The following PADI6 variants were observed in gnomAD, a reference collection of about 807,000 sequenced individuals.
PADI6 encodes peptidyl arginine deiminase 6.
In PADI6, 66 loss-of-function variants were observed where a neutral mutation model predicts 78.2. The ratio of observed to expected loss-of-function variants is 0.84; its 90% CI spans 0.69 to 1.04. PADI6 has a LOEUF of 1.04. PADI6 is among the 50% of genes least tolerant of loss of function. PADI6 has a pLI of 0.00. For missense variants in PADI6, 854 were observed against 866.1 expected, an observed-to-expected ratio of 0.99 and a Z score of 0.18; for synonymous variants, 397 against 346.9, an observed-to-expected ratio of 1.14 and a Z score of -1.60.
chr1:17,399,633 C>G (rs2075282191), intron 15 of PADI6, among the ~76,000 whole-genome samples: 1 of 151,368 alleles, frequency 6.6e-6, no homozygotes, highest in African/African-American at 2.4e-5. Flanking sequence ...GGTGGCTCAC[C>G]TGTAGTTCTA....
chr1:17,393,390 C>G (rs2075211011), intron 9 of PADI6, among the ~76,000 whole-genome samples: 2 of 152,214 alleles, frequency 1.3e-5, no homozygotes, highest in Admixed American at 6.5e-5. Context: ...AGAAGCGAAA[C>G]TGGAAGGCAT....
At position 17,401,409 on chromosome 1, in the gene PADI6, G is replaced by A; in HGVS notation, c.2056G>A (p.Ala686Thr). 1.9e-6 allele frequency: 3 copies of A among 1,614,010 alleles called. No individual in the cohort carries two copies. Among genetic ancestry groups the A allele is most frequent in the Non-Finnish European group, 2.5e-6 (3 of 1,179,900 alleles). Residue 686 changes from alanine (A) to threonine (T), a missense_variant, in exon 16 of 16, where the codon GCC becomes ACC. Coordinates refer to ENST00000619609, the MANE Select transcript of PADI6 (RefSeq NM_207421.4). ...ACANIRRVPF[A>T]FKWWKMVP is the part of the protein sequence containing the mutation. Reference sequence around the variant, plus strand: ...TGCCAACATCCGCCGGGTGCCCTTTGCCTTCAAATGGTGGAAGATGGTACC... The same window carrying A: ...TGCCAACATCCGCCGGGTGCCCTTTACCTTCAAATGGTGGAAGATGGTACC...
At chr1:17,391,005 G>A (rs1032144152) in intron 8 of PADI6, among the ~76,000 whole-genome samples, 2 of 152,150 alleles carry the variant, frequency 1.3e-5, no homozygotes, top group Non-Finnish European at 2.9e-5. Context: ...GCTCCCTGTG[G>A]CTTTGCATAG....
At chr1:17,394,141 C>A in intron 10 of PADI6, 59 bp downstream of exon 10, 2 of 1,577,402 alleles carry the variant, frequency 1.3e-6, no homozygotes, top group Non-Finnish European at 1.7e-6. Flanking sequence ...CTGGGGCCTG[C>A]CTAGAAATAA....
At position 17,401,197 on chromosome 1, in the gene PADI6, T is replaced by C; in HGVS notation, c.1852-8T>C. 1 of 1,613,514 alleles carries C rather than the reference T, an allele frequency of 6.2e-7. No individual in the cohort carries two copies. Among genetic ancestry groups the C allele is most frequent in the Non-Finnish European group, 8.5e-7 (1 of 1,179,548 alleles). ...GTCCAGGCCTCACCCACCCTGTCTT[T>C]CTAACAGTTGCGGATGATTGTGATG... On this transcript the variant is annotated splice_polypyrimidine_tract_variant and splice_region_variant and intron_variant, in intron 15 of 15. Coordinates refer to ENST00000619609, the MANE Select transcript of PADI6 (RefSeq NM_207421.4).
chr1:17,399,543 CTAGA>C (rs1355202999), intron 15 of PADI6, among the ~76,000 whole-genome samples: 6 of 151,956 alleles, frequency 3.9e-5, no homozygotes, highest in Admixed American at 6.6e-5. Flanking sequence ...TGCATTGAGC[CTAGA>C]TCACTCCATT....
intron 8 of PADI6, among the ~76,000 whole-genome samples, chr1:17,389,152 G>A (rs1346164978): frequency 1.3e-5 from 2 of 152,228 alleles, no homozygotes; most frequent in Admixed American, 6.5e-5. Context: ...CTCTAAAGCA[G>A]GGTGAAGATG....
Position 17,393,768 on chromosome 1 carries a change from C to T in PADI6, c.1075-207C>T, listed in dbSNP as rs372493675. On this transcript the variant is annotated intron_variant, in intron 9 of 15. Coordinates refer to ENST00000619609, the MANE Select transcript of PADI6 (RefSeq NM_207421.4). ...GGGATTGCAGGCGTGAGCCACCACA[C>T]CTGGCCATGGATGCTCAAGTCTTAA... Among the ~76,000 whole-genome samples the T allele has an allele frequency of 3.8e-4, 58 of 152,218 alleles. 2 individuals are homozygous for T. The South Asian group carries it at 0.012, about 31-fold the overall frequency.
chr1:17,388,638 C>T lies in PADI6; in HGVS notation c.858+79C>T, dbSNP rs77534410. On this transcript the variant is annotated intron_variant, in intron 7 of 15. Transcript: ENST00000619609. Reference sequence around the variant, plus strand: ...AGCCATCTCCCACAGTTGGGCAGAGCTTGAGGTTTGCTGGGGGAGAGCTGC... The same window carrying T: ...AGCCATCTCCCACAGTTGGGCAGAGTTTGAGGTTTGCTGGGGGAGAGCTGC... 64 of 1,480,748 alleles carry T rather than the reference C, an allele frequency of 4.3e-5. No homozygotes were observed. In the East Asian group the frequency reaches 1.5e-3, roughly 35 times the overall value. The allele number at this position is 1,480,748 out of a possible 1,614,324, so 91.7% of individuals were successfully genotyped here. A position where few individuals can be genotyped will look rare whatever the true frequency, so the allele number is the denominator to read the frequency against.
chr1:17,387,030 A>G (rs2075126664), intron 6 of PADI6, among the ~76,000 whole-genome samples: 1 of 152,218 alleles, frequency 6.6e-6, no homozygotes, highest in African/African-American at 2.4e-5. Flanking sequence ...TGGAATCTTG[A>G]GCAGGAACAG....
chr1:17,387,436 C>T (rs1189163401), intron 6 of PADI6, among the ~76,000 whole-genome samples: 3 of 149,564 alleles, frequency 2.0e-5, no homozygotes, highest in Non-Finnish European at 1.5e-5. Context: ...CAGAGCAGGA[C>T]TCCACCTCAA....
intron 12 of PADI6, 46 bp downstream of exon 12, chr1:17,395,153 G>A (rs1351676853): frequency 6.4e-7 from 1 of 1,555,562 alleles, no homozygotes; most frequent in Non-Finnish European, 8.7e-7. Flanking sequence ...CTTGCCTTCT[G>A]TTGGGGAATC....
rs368222037 is a variant in PADI6 at position 17,394,287 on chromosome 1, G to A, written c.1183-13G>A. 14 of 1,609,910 alleles carry A rather than the reference G, an allele frequency of 8.7e-6. No homozygotes were observed. The highest frequency in any genetic ancestry group is 1.2e-5 in the Non-Finnish European group (14 of 1,176,666). On this transcript the variant is annotated splice_polypyrimidine_tract_variant and intron_variant, in intron 10 of 15. Coordinates refer to ENST00000619609, the MANE Select transcript of PADI6 (RefSeq NM_207421.4). ...CTACTAACACCCCTTCCCTGGCTCG[G>A]TCTCTCCCCCAGAGCCCTGGTATTG...
intron 2 of PADI6, among the ~76,000 whole-genome samples, chr1:17,374,052 C>A (rs1481940350): frequency 6.6e-6 from 1 of 152,032 alleles, no homozygotes; most frequent in Non-Finnish European, 1.5e-5. Context: ...AATACCCAGG[C>A]CACACCCCCT....
At position 17,401,564 on chromosome 1, in the gene PADI6, T is replaced by C; in HGVS notation, c.*126T>C. 4 of 913,678 alleles carry C rather than the reference T, an allele frequency of 4.4e-6. No homozygotes were observed. The South Asian group carries it at 5.2e-5, about 12-fold the overall frequency. 56.6% of individuals were successfully genotyped at this position (913,678 alleles called of 1,614,324 possible). On this transcript the variant is annotated 3_prime_UTR_variant, in exon 16 of 16. Coordinates refer to ENST00000619609, the MANE Select transcript of PADI6 (RefSeq NM_207421.4). ...AGGCAACAGAACCCTTTCTTCCCTG[T>C]CTGCCCCGACCGACCCTCGGACCCA...
chr1:17,379,253 A>G (rs1382113581), intron 3 of PADI6, among the ~76,000 whole-genome samples: 2 of 148,476 alleles, frequency 1.3e-5, no homozygotes, highest in African/African-American at 5.2e-5. Flanking sequence ...AGCTGGGACT[A>G]CAGGCGCCCG....
chr1:17,387,936 A>G (rs1371261851), intron 6 of PADI6, among the ~76,000 whole-genome samples: 1 of 152,308 alleles, frequency 6.6e-6, no homozygotes, highest in East Asian at 1.9e-4. Flanking sequence ...CATCCAATAA[A>G]TGGTTCTCAC....
intron 14 of PADI6, among the ~76,000 whole-genome samples, 189 bp from the exon 15 acceptor site, chr1:17,398,497 T>C (rs959742910): frequency 5.3e-5 from 8 of 152,104 alleles, no homozygotes; most frequent in East Asian, 1.9e-4. Flanking sequence ...TACTTCCCCA[T>C]GTGAAAAGGG....
intron 15 of PADI6, among the ~76,000 whole-genome samples, chr1:17,400,689 A>G (rs1416395403): frequency 5.9e-5 from 9 of 152,136 alleles, no homozygotes. Context: ...GTGTAAAATG[A>G]ACTGAGGCAT....
Sources: allele counts gnomAD v4.1 joint callset (sites outside exome capture counted in the v4.1 genomes callset), GRCh38; gene constraint gnomAD v4.1.1; transcripts MANE v1.5; gene names NCBI Gene and HGNC (gene_info 2026-07-23, HGNC 2026-07-21).